The following PDE1C variants were observed in gnomAD, a reference collection of about 807,000 sequenced individuals.
The protein encoded by PDE1C is phosphodiesterase 1C, also known as dual specificity calcium/calmodulin-dependent 3',5'-cyclic nucleotide phosphodiesterase 1C.
In PDE1C, 62 loss-of-function variants were observed where a neutral mutation model predicts 93.1. The observed-to-expected ratio is 0.67, with a 90% CI of 0.54 to 0.82. The LOEUF (loss-of-function observed/expected upper bound fraction) is 0.82. PDE1C is among the 40% of genes least tolerant of loss of function. The pLI, the probability that PDE1C is intolerant of heterozygous loss-of-function variation, is 0.00. For synonymous variants in PDE1C, 325 were observed against 310.1 expected (o/e 1.05, Z -0.50); for missense variants, 742 against 884.6 (o/e 0.84, Z 2.04).
At chr7:32,041,712 T>C (rs1399289366) in intron 2 of PDE1C, among the ~76,000 whole-genome samples, 1 of 152,180 alleles carries the variant, frequency 6.6e-6, no homozygotes, top group Non-Finnish European at 1.5e-5. Flanking sequence ...ATAGACAATT[T>C]TGAAAAAAGA....
chr7:31,885,718 A>G (rs1362053204), intron 2 of PDE1C, among the ~76,000 whole-genome samples: 5 of 152,198 alleles, frequency 3.3e-5, no homozygotes, highest in African/African-American at 1.2e-4. Context: ...TTCCACAAAG[A>G]TAATTCCTAG....
chr7:32,081,868 G>A (rs1397538417), intron 3 of PDE1C, among the ~76,000 whole-genome samples: 1 of 152,234 alleles, frequency 6.6e-6, no homozygotes, highest in Admixed American at 6.5e-5. Context: ...AAATGAAAAT[G>A]TGGAGAAAAA....
the PDE1C span, among the ~76,000 whole-genome samples, chr7:31,683,347 C>G: frequency 6.6e-6 from 1 of 152,130 alleles, no homozygotes; most frequent in African/African-American, 2.4e-5. Context: ...AAAAGACAAC[C>G]ATTCACCTTG....
At position 31,762,177 on chromosome 7, in the gene PDE1C, G is replaced by A. The variant is rs182301623; in HGVS notation, c.1961-8624C>T. On this transcript the variant is annotated intron_variant, in intron 17 of 17. Transcript: ENST00000396191. ...CCTTATAGTGAGGCCACATTAATAA[G>A]AGCCTTTCCTTTTGTAGAAATACAA... 7.2e-5 allele frequency among the ~76,000 whole-genome samples: 11 copies of A among 152,274 alleles called. No homozygotes were observed. The East Asian group carries it at 2.1e-3, about 29-fold the overall frequency.
Position 32,169,818 on chromosome 7 carries a change from T to C in PDE1C, c.275A>G (p.Asp92Gly), listed in dbSNP as rs1329120133. The C allele has an allele frequency of 3.7e-6, 6 of 1,612,678 alleles. 1 individual carries two copies. In the South Asian group the frequency reaches 6.6e-5, roughly 18 times the overall value. The stretch of plus-strand genomic sequence containing the variant: ...TGTCTTCACCAAGACTTCTGGGCTA[T>C]CCAGCTGTGGCAATTCATCAGCTAG... Residue 92 changes from aspartate to glycine, a missense_variant, in exon 3 of 19, where the codon GAT (aspartate) becomes GGT (glycine). Coordinates refer to the PDE1C transcript ENST00000396193.
chr7:32,209,467 G>C, intron 2 of PDE1C: 1 of 1,560,704 alleles, frequency 6.4e-7, no homozygotes, highest in Non-Finnish European at 8.7e-7. Context: ...ACCAGGAAAG[G>C]AGTGAAACAA....
At chr7:31,907,852 A>G (rs1800783436) in intron 2 of PDE1C, among the ~76,000 whole-genome samples, 4 of 152,156 alleles carry the variant, frequency 2.6e-5, no homozygotes, top group African/African-American at 9.7e-5. Flanking sequence ...GTTAGAAATT[A>G]CCTGGAAAGA....
intron 2 of PDE1C, among the ~76,000 whole-genome samples, chr7:32,018,005 G>A (rs866576510): frequency 1.1e-4 from 16 of 151,724 alleles, no homozygotes; most frequent in African/African-American, 3.4e-4. Flanking sequence ...GCTTGAGCCC[G>A]GGAAGTGGAG....
intron 1 of PDE1C, among the ~76,000 whole-genome samples, chr7:32,396,532 G>T (rs76838042): frequency 9.6e-5 from 14 of 146,508 alleles, no homozygotes; most frequent in African/African-American, 1.5e-4. Context: ...TGGGGGGGGG[G>T]AGTGTTGTAA....
chr7:31,766,872 T>A (rs1795179039), intron 17 of PDE1C, among the ~76,000 whole-genome samples: 1 of 152,210 alleles, frequency 6.6e-6, no homozygotes, highest in Non-Finnish European at 1.5e-5. Context: ...TTAAAGTGGA[T>A]GAAGGTTTTC....
chr7:31,813,023 C>A (rs73319143), intron 15 of PDE1C, among the ~76,000 whole-genome samples: 1,642 of 152,192 alleles, frequency 0.011, 36 homozygotes, highest in African/African-American at 0.038. Context: ...ATTGTTAGAA[C>A]TTTTACATGA....
At chr7:31,969,857 C>T (rs1810652912) in intron 2 of PDE1C, among the ~76,000 whole-genome samples, 1 of 152,088 alleles carries the variant, frequency 6.6e-6, no homozygotes, top group Non-Finnish European at 1.5e-5. Context: ...ATCGATGAAG[C>T]TGGAAACCAT....
the PDE1C span, among the ~76,000 whole-genome samples, chr7:31,630,159 T>C: frequency 7.1e-6 from 1 of 141,634 alleles, no homozygotes; most frequent in African/African-American, 2.6e-5. Context: ...TTACTACTAA[T>C]TAAATTTAAA....
chr7:31,884,342 T>C (rs1424752263), intron 2 of PDE1C, among the ~76,000 whole-genome samples: 2 of 151,754 alleles, frequency 1.3e-5, no homozygotes. Context: ...ATCTGCTGTG[T>C]GTTCAATACA....
At chr7:32,309,906 C>T (rs1318224804) in intron 1 of PDE1C, among the ~76,000 whole-genome samples, 12 of 152,162 alleles carry the variant, frequency 7.9e-5, no homozygotes, top group Admixed American at 7.9e-4. Flanking sequence ...ACAATGTTAA[C>T]TTTAAATGTA....
At chr7:32,279,821 A>G (rs1311497105) in intron 1 of PDE1C, among the ~76,000 whole-genome samples, 1 of 152,188 alleles carries the variant, frequency 6.6e-6, no homozygotes, top group Non-Finnish European at 1.5e-5. Flanking sequence ...CCTAAAGCAA[A>G]GTAAAATAAA....
At chr7:31,890,194 A>G (rs1319638384) in intron 2 of PDE1C, among the ~76,000 whole-genome samples, 1 of 152,190 alleles carries the variant, frequency 6.6e-6, no homozygotes, top group Non-Finnish European at 1.5e-5. Flanking sequence ...CATGCTGGGG[A>G]CTGGGGAGAG....
At chr7:32,108,517 TA>T (rs1403583860) in intron 3 of PDE1C, among the ~76,000 whole-genome samples, 2 of 151,498 alleles carry the variant, frequency 1.3e-5, no homozygotes, top group Non-Finnish European at 2.9e-5. Flanking sequence ...CAGTAAAAGT[TA>T]AAAGTATTTC....
chr7:31,968,609 C>A (rs1379392572), intron 2 of PDE1C, among the ~76,000 whole-genome samples: 1 of 151,964 alleles, frequency 6.6e-6, no homozygotes, highest in Admixed American at 6.6e-5. Context: ...GAAAAAACTA[C>A]TTTAAAGTTC....
Sources: gnomAD v4.1 joint callset for allele counts (sites outside exome capture counted in the v4.1 genomes callset) on GRCh38, gnomAD v4.1.1 for gene constraint, MANE v1.5 for transcripts, NCBI Gene and HGNC (gene_info 2026-07-23, HGNC 2026-07-21) for gene names.